Variants in AATF observed in about 807,000 individuals in gnomAD.
AATF encodes apoptosis antagonizing transcription factor, also known as protein AATF.
In AATF, 48 loss-of-function variants were observed where a neutral mutation model predicts 63.7. The ratio of observed to expected loss-of-function variants is 0.75; its 90% CI spans 0.60 to 0.96. AATF has a LOEUF of 0.96. Among genes scored for constraint, AATF ranks in the 40% least tolerant of loss-of-function variants. The pLI is 0.00. For synonymous variants in AATF, 258 were observed against 247.7 expected (o/e 1.04, Z -0.39); for missense variants, 639 against 685.7 (o/e 0.93, Z 0.76).
At position 36,953,825 on chromosome 17, in the gene AATF, C is replaced by T; in HGVS notation, c.750C>T (p.Thr250=). ...GRIKLQKALL[T]TNQLPQPDVF... Reference sequence around the variant, plus strand: ...TCAAACTACAAAAAGCTCTGTTGACCACCAACCAGCTTCCTCAACCAGATG... The same window carrying T: ...TCAAACTACAAAAAGCTCTGTTGACTACCAACCAGCTTCCTCAACCAGATG... The change falls in exon 4 of 12, where the codon ACC becomes ACT. Residue 250 remains threonine (T), a synonymous_variant. Coordinates refer to ENST00000619387, the MANE Select transcript of AATF (RefSeq NM_012138.4). The T allele has an allele frequency of 1.2e-6, 2 of 1,614,130 alleles. No individual in the cohort carries two copies. Among genetic ancestry groups the T allele is most frequent in the Non-Finnish European group, 1.7e-6 (2 of 1,180,034 alleles).
intron 4 of AATF, among the ~76,000 whole-genome samples, chr17:36,967,797 A>C (rs1195950690): frequency 2.0e-5 from 3 of 149,774 alleles, no homozygotes; most frequent in Non-Finnish European, 4.4e-5. Context: ...AGAATGTTAC[A>C]TTGTATTTCA....
intron 10 of AATF, among the ~76,000 whole-genome samples, chr17:37,022,090 A>C (rs1012229209): frequency 6.6e-6 from 1 of 151,164 alleles, no homozygotes; most frequent in African/African-American, 2.4e-5. Flanking sequence ...TGACCTCGCT[A>C]TACTTTTAGA....
chr17:37,040,507 A>G (rs1272564106), intron 11 of AATF, among the ~76,000 whole-genome samples: 1 of 151,740 alleles, frequency 6.6e-6, no homozygotes, highest in African/African-American at 2.4e-5. Context: ...TCTGCATTTT[A>G]TAAGAATACT....
chr17:36,955,819 G>A (rs1242141891), intron 4 of AATF, among the ~76,000 whole-genome samples: 1 of 152,146 alleles, frequency 6.6e-6, no homozygotes, highest in African/African-American at 2.4e-5. Flanking sequence ...CTGGAGTGCA[G>A]TAGCGTGATC....
intron 4 of AATF, among the ~76,000 whole-genome samples, chr17:36,975,799 G>A (rs917543977): frequency 1.3e-5 from 2 of 152,084 alleles, no homozygotes. Context: ...TGCCCCTTTC[G>A]GCACGTTTTT....
intron 4 of AATF, among the ~76,000 whole-genome samples, chr17:36,959,673 T>C (rs2070930790): frequency 6.6e-6 from 1 of 152,212 alleles, no homozygotes; most frequent in Non-Finnish European, 1.5e-5. Context: ...TTTAGTGCAA[T>C]GCATGTTATT....
chr17:36,952,894 A>G lies in AATF; in HGVS notation c.292A>G (p.Ile98Val), dbSNP rs777726198. 1 of 1,612,130 alleles carries G rather than the reference A, an allele frequency of 6.2e-7. No individual in the cohort carries two copies. Among genetic ancestry groups the G allele is most frequent in the Non-Finnish European group, 8.5e-7 (1 of 1,178,482 alleles). ...CCCTCTCTTCTTTGTAGATGAGGAAATATCTGATGAGGAAGGGTCTGGAGA... is the reference window on the plus strand; with the variant it reads ...CCCTCTCTTCTTTGTAGATGAGGAAGTATCTGATGAGGAAGGGTCTGGAGA... ...QTLPGSSDEE[I>V]SDEEGSGDED... Residue 98 changes from isoleucine to valine, a missense_variant, in exon 3 of 12, where the codon ATA becomes GTA. By Grantham distance (29) the Ile-to-Val change is conservative. Transcript: ENST00000619387.
rs1174995287 is a variant in AATF, at chr17:37,053,663, T to C, written c.1620-2938T>C. On this transcript the variant is annotated intron_variant, in intron 11 of 11. Coordinates refer to ENST00000619387, the MANE Select transcript of AATF (RefSeq NM_012138.4). ...ACGGGCAGATCATGAGGTCAAGAGA[T>C]GGAGACCATCCTGGCCAACATGGTA... Among the ~76,000 whole-genome samples the C allele has an allele frequency of 3.3e-5, 5 of 152,172 alleles. No homozygotes were observed. The South Asian group carries it at 6.2e-4, about 19-fold the overall frequency.
intron 11 of AATF, among the ~76,000 whole-genome samples, chr17:37,049,108 A>C (rs2071723161): frequency 6.6e-6 from 1 of 152,196 alleles, no homozygotes; most frequent in African/African-American, 2.4e-5. Context: ...GAGGAAGCTA[A>C]GATTCAGGGG....
At chr17:37,045,737 A>G (rs149209116) in intron 11 of AATF, among the ~76,000 whole-genome samples, 95 of 152,340 alleles carry the variant, frequency 6.2e-4, no homozygotes, top group African/African-American at 2.2e-3. Context: ...CTCACTTTGC[A>G]CTTAGCAGTC....
At chr17:37,039,381 A>T (rs2071618519) in intron 11 of AATF, among the ~76,000 whole-genome samples, 1 of 152,210 alleles carries the variant, frequency 6.6e-6, no homozygotes, top group Non-Finnish European at 1.5e-5. Context: ...AACAAGAGTG[A>T]TGTTTTAACT....
chr17:36,974,425 A>G (rs527423919), intron 4 of AATF, among the ~76,000 whole-genome samples: 9 of 152,294 alleles, frequency 5.9e-5, no homozygotes, highest in Admixed American at 5.2e-4. Flanking sequence ...TCATTTTTAT[A>G]AATGATGTAG....
At chr17:36,965,320 A>G (rs982633324) in intron 4 of AATF, among the ~76,000 whole-genome samples, 4 of 152,040 alleles carry the variant, frequency 2.6e-5, no homozygotes, top group Non-Finnish European at 5.9e-5. Context: ...TTCTTTGCTC[A>G]TGGTCCTCTT....
chr17:37,010,698 C>G (rs961117650), intron 8 of AATF, among the ~76,000 whole-genome samples: 1 of 152,116 alleles, frequency 6.6e-6, no homozygotes, highest in African/African-American at 2.4e-5. Flanking sequence ...AGGTTTCCCT[C>G]AGGAAGAGAA....
rs565972375 is a variant in AATF at position 36,977,658 on chromosome 17, A to C, written c.833-8959A>C. On this transcript the variant is annotated intron_variant, in intron 4 of 11. Coordinates refer to ENST00000619387, the MANE Select transcript of AATF (RefSeq NM_012138.4). ...TGCTTATAAAATATTCAAACAGTTC[A>C]AAAGTATATCAAATAAAAATGAAAG... is the stretch of plus-strand genomic sequence containing the variant. Among the ~76,000 whole-genome samples the C allele has an allele frequency of 1.1e-4, 17 of 152,318 alleles. No individual in the cohort carries two copies. In the South Asian group the frequency reaches 3.5e-3, roughly 32 times the overall value.
intron 11 of AATF, among the ~76,000 whole-genome samples, chr17:37,041,364 T>C (rs1196023945): frequency 6.6e-6 from 1 of 152,234 alleles, no homozygotes; most frequent in Non-Finnish European, 1.5e-5. Flanking sequence ...TTCTAGGTTT[T>C]GCTGTGTCTT....
chr17:37,012,443 A>T (rs1237102482), intron 8 of AATF, among the ~76,000 whole-genome samples: 1 of 152,236 alleles, frequency 6.6e-6, no homozygotes. Flanking sequence ...ATTTTCACTA[A>T]GAAGTCTTGT....
At chr17:37,048,363 C>CT (rs60374815) in intron 11 of AATF, among the ~76,000 whole-genome samples, 2,463 of 70,854 alleles carry the variant, frequency 0.035, 161 homozygotes, top group Middle Eastern at 0.054. Context: ...TTTTTCTTTT[C>CT]TTTTTTTTTT....
At chr17:37,018,137 A>G (rs541220657) in intron 8 of AATF, among the ~76,000 whole-genome samples, 198 of 152,298 alleles carry the variant, frequency 1.3e-3, no homozygotes, top group African/African-American at 4.5e-3. Context: ...TTATAGTTCT[A>G]TTATCGTAAT....
Sources: allele counts gnomAD v4.1 joint callset (sites outside exome capture counted in the v4.1 genomes callset), GRCh38; gene constraint gnomAD v4.1.1; transcripts MANE v1.5; gene names NCBI Gene and HGNC (gene_info 2026-07-23, HGNC 2026-07-21).